SRPK2: variants seen among roughly 807,000 people sequenced by gnomAD.
SRPK2 encodes the protein SRSF protein kinase 2.
Under a neutral mutation model 90.8 loss-of-function variants are expected in SRPK2, and 21 were observed. That is an observed-to-expected ratio of 0.23 (90% CI 0.16 to 0.33). SRPK2 has a LOEUF of 0.33. Among genes scored for constraint, SRPK2 ranks in the 10% least tolerant of loss-of-function variants. The pLI is 1.00. For missense variants in SRPK2, 620 were observed against 869.0 expected (o/e 0.71, Z 3.60); for synonymous variants, 288 against 311.1 (o/e 0.93, Z 0.78).
intron 2 of SRPK2, among the ~76,000 whole-genome samples, chr7:105,341,403 T>A (rs1260096969): frequency 7.1e-6 from 1 of 141,520 alleles, no homozygotes; most frequent in African/African-American, 2.7e-5. Context: ...GCAGGACGCA[T>A]ACCTCATGCC....
At position 105,297,454 on chromosome 7, in the gene SRPK2, T is replaced by C. The variant is rs192051418; in HGVS notation, c.71+91194A>G. On this transcript the variant is annotated intron_variant, in intron 2 of 15. Transcript: ENST00000393651. The stretch of plus-strand genomic sequence containing the variant: ...ACATTTGCATATTTTTCAAAACACA[T>C]TGGCTTTCCCTGATATGGTGGCCAT... 57 of 985,368 alleles carry C rather than the reference T, an allele frequency of 5.8e-5. 1 individual carries two copies. Among genetic ancestry groups the C allele is most frequent in the Middle Eastern group, 1.0e-3 (2 of 1,914 alleles). The allele number at this position is 985,368 out of a possible 1,614,324, so 61.0% of individuals were successfully genotyped here.
chr7:105,388,162 G>A (rs1050665606), intron 2 of SRPK2, among the ~76,000 whole-genome samples: 20 of 152,102 alleles, frequency 1.3e-4, no homozygotes, highest in Non-Finnish European at 1.5e-5. Flanking sequence ...CGGGGAGGAA[G>A]GGGAGGCGAG....
chr7:105,309,702 A>C (rs192996954), intron 2 of SRPK2, among the ~76,000 whole-genome samples: 1 of 152,326 alleles, frequency 6.6e-6, no homozygotes, highest in African/African-American at 2.4e-5. Flanking sequence ...AGAGACTTTC[A>C]TGTAAAATAT....
chr7:105,154,105 G>A (rs913604061), intron 7 of SRPK2, among the ~76,000 whole-genome samples: 1 of 152,226 alleles, frequency 6.6e-6, no homozygotes, highest in Non-Finnish European at 1.5e-5. Flanking sequence ...ACATTGTCCT[G>A]AAATAGCCTC....
chr7:105,126,476 C>T, intron 14 of SRPK2, 136 bp from the exon 15 acceptor site: 1 of 679,090 alleles, frequency 1.5e-6, no homozygotes, highest in Non-Finnish European at 2.5e-6. Context: ...CACATCCATG[C>T]AGAGGCTTGT....
chr7:105,389,080 G>A, upstream of SRPK2: 1 of 845,114 alleles, frequency 1.2e-6, no homozygotes, highest in Non-Finnish European at 1.4e-6. Context: ...CTGTGCAGAA[G>A]TGGCCGCCGC....
intron 13 of SRPK2, among the ~76,000 whole-genome samples, chr7:105,130,625 T>G (rs767401687): frequency 5.3e-5 from 8 of 151,102 alleles, no homozygotes; most frequent in Non-Finnish European, 1.2e-4. Context: ...TTATGACAGC[T>G]TGGTATTATG....
At chr7:105,364,728 T>C (rs766349050) in intron 2 of SRPK2, among the ~76,000 whole-genome samples, 26 of 152,110 alleles carry the variant, frequency 1.7e-4, no homozygotes, top group Non-Finnish European at 3.2e-4. Context: ...TAAGGCTCCC[T>C]GATGTAGAAG....
intron 2 of SRPK2, among the ~76,000 whole-genome samples, chr7:105,261,989 G>A (rs1274785341): frequency 6.6e-6 from 1 of 152,082 alleles, no homozygotes; most frequent in Non-Finnish European, 1.5e-5. Context: ...GAGAAAAGAG[G>A]TACTCACTGA....
chr7:105,261,599 T>C (rs746136353), intron 2 of SRPK2, among the ~76,000 whole-genome samples: 1 of 152,092 alleles, frequency 6.6e-6, no homozygotes, highest in African/African-American at 2.4e-5. Context: ...AATTATCTTA[T>C]GATTATTTAT....
chr7:105,268,740 T>A (rs1317141688), intron 2 of SRPK2: 7 of 1,513,234 alleles, frequency 4.6e-6, no homozygotes, highest in Middle Eastern at 1.7e-4. Flanking sequence ...GAAAAAAAAA[T>A]ATGTCCTGGT....
At chr7:105,173,844 T>G (rs1791465575) in intron 3 of SRPK2, among the ~76,000 whole-genome samples, 1 of 151,992 alleles carries the variant, frequency 6.6e-6, no homozygotes, top group South Asian at 2.1e-4. Flanking sequence ...AAGAGTTTGG[T>G]TGATAACACC....
intron 2 of SRPK2, among the ~76,000 whole-genome samples, chr7:105,276,929 A>C (rs1167708242): frequency 6.6e-6 from 1 of 152,040 alleles, no homozygotes; most frequent in African/African-American, 2.4e-5. Flanking sequence ...ATGCTCCACT[A>C]TTCTAGGGTT....
At chr7:105,130,632 T>C (rs866145307) in intron 13 of SRPK2, among the ~76,000 whole-genome samples, 3 of 151,670 alleles carry the variant, frequency 2.0e-5, no homozygotes, top group Non-Finnish European at 4.4e-5. Flanking sequence ...AGCTTGGTAT[T>C]ATGAGGTCAA....
intron 3 of SRPK2, among the ~76,000 whole-genome samples, chr7:105,199,823 T>C (rs1795326648): frequency 6.6e-6 from 1 of 151,500 alleles, no homozygotes; most frequent in Middle Eastern, 3.4e-3. Context: ...TACTGAGATC[T>C]GAAAGTGACA....
intron 2 of SRPK2, among the ~76,000 whole-genome samples, chr7:105,284,281 A>T (rs969055407): frequency 1.6e-4 from 24 of 152,170 alleles, no homozygotes; most frequent in Non-Finnish European, 2.2e-4. Flanking sequence ...AAGTGAAGAA[A>T]TTAACACTGG....
At chr7:105,237,120 A>G (rs1240288865) in intron 2 of SRPK2, among the ~76,000 whole-genome samples, 4 of 152,244 alleles carry the variant, frequency 2.6e-5, no homozygotes, top group African/African-American at 9.6e-5. Flanking sequence ...ATACTGCAGC[A>G]GCATCAAATG....
At chr7:105,356,907 G>A (rs376702282) in intron 2 of SRPK2, among the ~76,000 whole-genome samples, 1 of 152,284 alleles carries the variant, frequency 6.6e-6, no homozygotes, top group African/African-American at 2.4e-5. Context: ...CAAAGCATCT[G>A]CTACCCTAAC....
In SRPK2 at chr7:105,217,923, G is replaced by A. The variant is rs535208923; in HGVS notation, c.72-14138C>T. Among the ~76,000 whole-genome samples the A allele has an allele frequency of 1.1e-4, 17 of 152,260 alleles. No individual in the cohort carries two copies. The South Asian group carries it at 3.5e-3, about 32-fold the overall frequency. ...TGTATAATTCCCAGGGGATACAATA[G>A]CAAAAACAAAACATGTGGAAAGGTA... On this transcript the variant is annotated intron_variant, in intron 2 of 15. Transcript: ENST00000393651.
Sources: gnomAD v4.1 joint callset for allele counts (sites outside exome capture counted in the v4.1 genomes callset) on GRCh38, gnomAD v4.1.1 for gene constraint, MANE v1.5 for transcripts, NCBI Gene and HGNC (gene_info 2026-07-23, HGNC 2026-07-21) for gene names.